Variants in ADCY9 observed in about 807,000 individuals in gnomAD.
The protein encoded by ADCY9 is adenylate cyclase 9.
ADCY9 carries 50 observed loss-of-function variants against 101.5 expected under a neutral mutation model. The observed-to-expected ratio is 0.49, with a 90% confidence interval of 0.39 to 0.62. The LOEUF (loss-of-function observed/expected upper bound fraction) is 0.62, where lower values mean the gene tolerates loss of function less well. Ranked by LOEUF, ADCY9 falls within the 20% of genes least tolerant of loss-of-function variation. The pLI is 0.00. For synonymous variants in ADCY9, 905 were observed against 769.3 expected (o/e 1.18, Z -2.92); for missense variants, 1,662 against 1,800.4 (o/e 0.92, Z 1.39).
chr16:3,970,827 GC>G (rs924804717), intron 10 of ADCY9, among the ~76,000 whole-genome samples: 5 of 152,210 alleles, frequency 3.3e-5, no homozygotes, highest in Non-Finnish European at 5.9e-5. Flanking sequence ...TCTTGGGTAA[GC>G]CATGCCATCT....
intron 5 of ADCY9, among the ~76,000 whole-genome samples, chr16:3,957,456 G>C (rs190369777): frequency 6.6e-6 from 1 of 152,248 alleles, no homozygotes; most frequent in East Asian, 1.9e-4. Context: ...TGTTGCTGAA[G>C]GTTTATCTAC....
At chr16:4,097,425 C>T (rs868684531) in intron 2 of ADCY9, among the ~76,000 whole-genome samples, 4 of 134,066 alleles carry the variant, frequency 3.0e-5, no homozygotes, top group Non-Finnish European at 4.7e-5. Flanking sequence ...TGGTTTCACA[C>T]ATAACAGGGT....
intron 2 of ADCY9, among the ~76,000 whole-genome samples, chr16:4,105,300 G>A (rs1442347719): frequency 6.6e-6 from 1 of 152,002 alleles, no homozygotes; most frequent in Non-Finnish European, 1.5e-5. Context: ...TTCTAATACT[G>A]TAAATATCAA....
chr16:4,064,858 G>A (rs1201151365), intron 2 of ADCY9, among the ~76,000 whole-genome samples: 2 of 152,134 alleles, frequency 1.3e-5, no homozygotes, highest in Non-Finnish European at 2.9e-5. Context: ...TTCAAGGGCT[G>A]CCTTAATTAT....
chr16:3,992,219 G>C lies in ADCY9; in HGVS notation c.2134C>G (p.Leu712Val), dbSNP rs1235979588. ...WAGVSLDQSA[L>V]LPLRFKNIRE... ...ATGTTCTTGAACCTCAGCGGAAGGAGAGCCGACTGGTCCAGGCTCACCCCT... is the reference window on the plus strand; with the variant it reads ...ATGTTCTTGAACCTCAGCGGAAGGACAGCCGACTGGTCCAGGCTCACCCCT... Residue 712 changes from leucine (L) to valine (V), a missense_variant, in exon 5 of 11, where the codon CTC (leucine) becomes GTC (valine). Physicochemically the swap from Leu to Val is conservative, Grantham distance 32 (BLOSUM62 1). Around this residue, in one of 5 missense-constraint regions of ADCY9, gnomAD observed 624 missense variants for 639.1 expected, o/e 0.98. Coordinates refer to ENST00000294016, the MANE Select transcript of ADCY9 (RefSeq NM_001116.4). This position sits in a 1 kb window ranked among gnomAD's most constrained non-coding sequence, Gnocchi z 4.2. 1.2e-6 allele frequency: 2 copies of C among 1,614,096 alleles called. No homozygotes were observed. Among genetic ancestry groups the C allele is most frequent in the Non-Finnish European group, 1.7e-6 (2 of 1,180,046 alleles).
chr16:4,029,857 C>T (rs1480986562), intron 2 of ADCY9, among the ~76,000 whole-genome samples: 1 of 152,152 alleles, frequency 6.6e-6, no homozygotes, highest in African/African-American at 2.4e-5. Flanking sequence ...AGAGCCAACC[C>T]AGGTGGCCAG....
intron 2 of ADCY9, among the ~76,000 whole-genome samples, chr16:4,044,763 C>A (rs1028825269): frequency 6.6e-6 from 1 of 152,132 alleles, no homozygotes; most frequent in Non-Finnish European, 1.5e-5. Flanking sequence ...ACATGTAGAG[C>A]CTGCATCTAA....
At chr16:4,047,976 C>T (rs931575119) in intron 2 of ADCY9, among the ~76,000 whole-genome samples, 6 of 152,264 alleles carry the variant, frequency 3.9e-5, no homozygotes, top group Middle Eastern at 3.4e-3. Context: ...TTCTGGCTGA[C>T]GCTCTGCCGT....
intron 2 of ADCY9, chr16:4,015,770 C>T (rs1567438540): frequency 6.6e-6 from 1 of 152,042 alleles, no homozygotes; most frequent in South Asian, 2.1e-4. Context: ...AGTTCAAGAC[C>T]AGCTTGGCCA....
intron 2 of ADCY9, among the ~76,000 whole-genome samples, chr16:4,076,118 C>G (rs929693022): frequency 2.6e-5 from 4 of 152,122 alleles, no homozygotes; most frequent in African/African-American, 4.8e-5. Flanking sequence ...CACTTGAGCC[C>G]ACGAGTTCGA....
chr16:4,068,241 T>A (rs2056812200), intron 2 of ADCY9, among the ~76,000 whole-genome samples: 1 of 152,122 alleles, frequency 6.6e-6, no homozygotes, highest in Non-Finnish European at 1.5e-5. Flanking sequence ...ATAACTCATA[T>A]AATGAATTTT....
At chr16:4,075,796 A>G (rs1481838423) in intron 2 of ADCY9, among the ~76,000 whole-genome samples, 1 of 152,128 alleles carries the variant, frequency 6.6e-6, no homozygotes, top group Non-Finnish European at 1.5e-5. Flanking sequence ...CGGAGATGCT[A>G]CTGGATCTTG....
chr16:3,973,252 A>T (rs1158147507), intron 10 of ADCY9, among the ~76,000 whole-genome samples: 1 of 152,102 alleles, frequency 6.6e-6, no homozygotes, highest in Non-Finnish European at 1.5e-5. Flanking sequence ...TCTGTCGCCC[A>T]GGCTGGAGTG....
chr16:3,969,293 G>A (rs1040684942), intron 10 of ADCY9, among the ~76,000 whole-genome samples: 1 of 151,450 alleles, frequency 6.6e-6, no homozygotes, highest in African/African-American at 2.4e-5. Flanking sequence ...TCTAGCCCGG[G>A]CTGGCATGCA....
chr16:4,032,411 G>A (rs1361400648), intron 2 of ADCY9, among the ~76,000 whole-genome samples: 1 of 152,096 alleles, frequency 6.6e-6, no homozygotes, highest in Non-Finnish European at 1.5e-5. Flanking sequence ...GTGGCTGGCT[G>A]TGCTCTCCTG....
At chr16:3,955,546 G>C (rs745541350) in intron 5 of ADCY9, among the ~76,000 whole-genome samples, 2 of 152,074 alleles carry the variant, frequency 1.3e-5, no homozygotes, top group Non-Finnish European at 2.9e-5. Flanking sequence ...AGGTTTGTTT[G>C]TTTGTTTGTT....
At chr16:3,980,500 G>A (rs2056132060) in intron 7 of ADCY9, among the ~76,000 whole-genome samples, 1 of 152,160 alleles carries the variant, frequency 6.6e-6, no homozygotes, top group Non-Finnish European at 1.5e-5. Flanking sequence ...CTCAGGAGAG[G>A]CTGGGCGGGG....
chr16:3,974,902 T>A (rs2056081517), intron 9 of ADCY9, among the ~76,000 whole-genome samples, 192 bp from the exon 10 acceptor site: 1 of 152,188 alleles, frequency 6.6e-6, no homozygotes. Context: ...TTGGTAAAGC[T>A]GAGTTTACGT....
At chr16:4,107,550 CAAAAAAAAAAAAAAA>C (rs61565312) in intron 2 of ADCY9, among the ~76,000 whole-genome samples, 2 of 72,820 alleles carry the variant, frequency 2.7e-5, no homozygotes, top group Non-Finnish European at 2.4e-5. Context: ...GACTCTGTCT[CAAAAAAAAAAAAAAA>C]AAAAAAAAAA....
Sources: gnomAD v4.1 joint callset for allele counts (sites outside exome capture counted in the v4.1 genomes callset) on GRCh38, gnomAD v4.1.1 for gene constraint, gnomAD v4.1.1 regional missense constraint, Gnocchi (gnomAD v3.1) non-coding constraint, MANE v1.5 for transcripts, NCBI Gene and HGNC (gene_info 2026-07-23, HGNC 2026-07-21) for gene names.